OR1J2: variants seen among roughly 807,000 people sequenced by gnomAD.
OR1J2 encodes olfactory receptor family 1 subfamily J member 2, also known as olfactory receptor 1J2.
For synonymous variants in OR1J2, 142 were observed against 99.7 expected, an observed-to-expected ratio of 1.42 and a Z score of -2.52; for missense variants, 304 against 246.1, an observed-to-expected ratio of 1.24 and a Z score of -1.57.
chr9:122,579,680 G>A, the OR1J2 span, among the ~76,000 whole-genome samples: 1 of 152,120 alleles, frequency 6.6e-6, no homozygotes, highest in Non-Finnish European at 1.5e-5. Context: ...TAAGCATAAG[G>A]GGTATGGTGT....
At chr9:122,477,789 C>A in the OR1J2 span, 1 of 1,613,900 alleles carries the variant, frequency 6.2e-7, no homozygotes, top group Non-Finnish European at 8.5e-7. Flanking sequence ...GGATGAGCAG[C>A]ATGATGAGCA....
At chr9:122,543,383 T>C in the OR1J2 span, among the ~76,000 whole-genome samples, 3 of 152,040 alleles carry the variant, frequency 2.0e-5, no homozygotes, top group African/African-American at 7.2e-5. Flanking sequence ...TTGTATTTTT[T>C]GTAGAGATGG....
At chr9:122,571,201 G>A in the OR1J2 span, among the ~76,000 whole-genome samples, 2 of 152,086 alleles carry the variant, frequency 1.3e-5, no homozygotes, top group African/African-American at 2.4e-5. Flanking sequence ...TGGTACAGAT[G>A]GTGGGATTTG....
chr9:122,479,584 G>A, the OR1J2 span, among the ~76,000 whole-genome samples: 1 of 152,122 alleles, frequency 6.6e-6, no homozygotes, highest in East Asian at 1.9e-4. Flanking sequence ...TAAAGACTTG[G>A]AAACTTCACA....
chr9:122,576,336 C>T, the OR1J2 span, among the ~76,000 whole-genome samples: 1 of 151,964 alleles, frequency 6.6e-6, no homozygotes. Flanking sequence ...ATTCTCCTGG[C>T]TCAGCCTCCC....
At chr9:122,447,815 A>G in the OR1J2 span, among the ~76,000 whole-genome samples, 1 of 152,130 alleles carries the variant, frequency 6.6e-6, no homozygotes, top group Non-Finnish European at 1.5e-5. Flanking sequence ...TTAGAAGGAT[A>G]CATACAACAG....
At chr9:122,571,276 G>A in the OR1J2 span, among the ~76,000 whole-genome samples, 292 of 152,296 alleles carry the variant, frequency 1.9e-3, no homozygotes, top group South Asian at 5.4e-3. Flanking sequence ...TGCATGCCGG[G>A]CGCGGTGGCT....
At chr9:122,484,732 A>G in the OR1J2 span, among the ~76,000 whole-genome samples, 1 of 152,166 alleles carries the variant, frequency 6.6e-6, no homozygotes, top group African/African-American at 2.4e-5. Context: ...AAAAAGTAGG[A>G]CAAGAAGACA....
the OR1J2 span, among the ~76,000 whole-genome samples, chr9:122,539,279 A>C: frequency 6.6e-6 from 1 of 151,766 alleles, no homozygotes; most frequent in Middle Eastern, 3.4e-3. Context: ...CCCACCCCAC[A>C]ACATGCCCTG....
downstream of OR1J2, among the ~76,000 whole-genome samples, chr9:122,515,015 C>T (rs1234407055): frequency 6.6e-6 from 1 of 152,160 alleles, no homozygotes; most frequent in East Asian, 1.9e-4. Flanking sequence ...GGGCATCTCT[C>T]CTGGGGAGAG....
chr9:122,562,296 G>A, the OR1J2 span, among the ~76,000 whole-genome samples: 26 of 152,360 alleles, frequency 1.7e-4, no homozygotes, highest in African/African-American at 6.3e-4. Flanking sequence ...TGCCCCTCCC[G>A]CAGGGAGCTT....
At chr9:122,469,271 C>T in the OR1J2 span, among the ~76,000 whole-genome samples, 1 of 152,152 alleles carries the variant, frequency 6.6e-6, no homozygotes, top group African/African-American at 2.4e-5. Flanking sequence ...GTGGGAGGGA[C>T]CCAGTGGTAG....
chr9:122,542,924 C>T, the OR1J2 span, among the ~76,000 whole-genome samples: 5 of 152,146 alleles, frequency 3.3e-5, no homozygotes, highest in Non-Finnish European at 5.9e-5. Flanking sequence ...GAGATTTATC[C>T]ACGTTGTGGT....
the OR1J2 span, among the ~76,000 whole-genome samples, chr9:122,502,476 A>G: frequency 6.6e-6 from 1 of 152,168 alleles, no homozygotes; most frequent in African/African-American, 2.4e-5. Context: ...GTCTGGAGGA[A>G]TCACGCAGAC....
chr9:122,576,599 A>T, the OR1J2 span, among the ~76,000 whole-genome samples: 1 of 152,090 alleles, frequency 6.6e-6, no homozygotes, highest in Non-Finnish European at 1.5e-5. Context: ...GGCTATTATG[A>T]ATACTGTATA....
chr9:122,477,709 A>G, the OR1J2 span: 5 of 1,614,156 alleles, frequency 3.1e-6, no homozygotes, highest in Admixed American at 8.3e-5. Context: ...GACAGATGAA[A>G]AGGAGATGTC....
the OR1J2 span, chr9:122,553,480 C>G: frequency 6.2e-7 from 1 of 1,614,100 alleles, no homozygotes; most frequent in Non-Finnish European, 8.5e-7. Context: ...AACATTCATA[C>G]CCAGAGTCAG....
chr9:122,527,470 T>A, the OR1J2 span, among the ~76,000 whole-genome samples: 1 of 152,192 alleles, frequency 6.6e-6, no homozygotes, highest in African/African-American at 2.4e-5. Context: ...TCCCCCTTTC[T>A]CCTCTCTTTA....
chr9:122,450,331 T>C, the OR1J2 span, among the ~76,000 whole-genome samples: 6,466 of 152,218 alleles, frequency 0.042, 179 homozygotes, highest in Middle Eastern at 0.13. Flanking sequence ...CTAGGGCGGC[T>C]GAGGCACGCA....
Sources: allele counts gnomAD v4.1 joint callset (sites outside exome capture counted in the v4.1 genomes callset), GRCh38; gene constraint gnomAD v4.1.1; transcripts MANE v1.5; gene names NCBI Gene and HGNC (gene_info 2026-07-23, HGNC 2026-07-21).